The following GLIS3 variants were observed in gnomAD, a reference collection of about 807,000 sequenced individuals.
GLIS3 encodes zinc finger protein GLIS3.
Under a neutral mutation model 78.6 loss-of-function variants are expected in GLIS3, and 53 were observed. The ratio of observed to expected loss-of-function variants is 0.67; its 90% CI spans 0.54 to 0.85. The LOEUF (loss-of-function observed/expected upper bound fraction) is 0.85. Among genes scored for constraint, GLIS3 ranks in the 40% least tolerant of loss-of-function variants. The pLI is 0.00. For missense variants in GLIS3, 1,703 were observed against 1,231.1 expected, an observed-to-expected ratio of 1.38 and a Z score of -5.74; for synonymous variants, 684 against 509.9, an observed-to-expected ratio of 1.34 and a Z score of -4.60.
chr9:3,954,864 T>G (rs1452907145), intron 4 of GLIS3, among the ~76,000 whole-genome samples: 1 of 152,240 alleles, frequency 6.6e-6, no homozygotes, highest in Non-Finnish European at 1.5e-5. Context: ...TTACTTCATT[T>G]GGTTTGTTCA....
chr9:4,437,442 A>ATCTG, the GLIS3 span, among the ~76,000 whole-genome samples: 3 of 151,832 alleles, frequency 2.0e-5, no homozygotes, highest in African/African-American at 7.3e-5. Flanking sequence ...CTATCTATCT[A>ATCTG]TCTATCTATC....
At chr9:4,459,633 T>C in the GLIS3 span, among the ~76,000 whole-genome samples, 1 of 152,016 alleles carries the variant, frequency 6.6e-6, no homozygotes, top group African/African-American at 2.4e-5. Context: ...AGCATGGTGG[T>C]ACACGCCTGT....
upstream of GLIS3, among the ~76,000 whole-genome samples, chr9:4,303,687 C>T (rs1180378309): frequency 6.6e-6 from 1 of 152,110 alleles, no homozygotes; most frequent in Non-Finnish European, 1.5e-5. Flanking sequence ...TATTTCACTC[C>T]ATACAATATC....
chr9:4,482,899 G>C, the GLIS3 span, among the ~76,000 whole-genome samples: 6 of 152,118 alleles, frequency 3.9e-5, no homozygotes, highest in African/African-American at 1.4e-4. Context: ...AGGTTTATTT[G>C]GATGGTGGAA....
chr9:4,120,301 C>T (rs1022335545), intron 3 of GLIS3, among the ~76,000 whole-genome samples: 1 of 152,204 alleles, frequency 6.6e-6, no homozygotes, highest in African/African-American at 2.4e-5. Context: ...AAGGTGATAA[C>T]ACCATCATCA....
chr9:4,451,174 G>C, the GLIS3 span, among the ~76,000 whole-genome samples: 18 of 151,554 alleles, frequency 1.2e-4, no homozygotes, highest in East Asian at 3.5e-3. Context: ...CAAATGGAAA[G>C]CAAAAAAAAG....
intron 6 of GLIS3, among the ~76,000 whole-genome samples, chr9:3,924,703 T>C (rs938541882): frequency 6.6e-6 from 1 of 152,112 alleles, no homozygotes; most frequent in Non-Finnish European, 1.5e-5. Flanking sequence ...GGAGCAGTAA[T>C]TGCACAAAGG....
chr9:3,960,601 A>C (rs551317101), intron 4 of GLIS3, among the ~76,000 whole-genome samples: 3 of 152,304 alleles, frequency 2.0e-5, no homozygotes, highest in African/African-American at 7.2e-5. Context: ...AGTATGTTGA[A>C]TAAATTAATG....
rs552492555 is a variant in GLIS3, at chr9:3,978,496, T to C, written c.1711-41307A>G. Among the ~76,000 whole-genome samples the C allele has an allele frequency of 3.2e-4, 49 of 151,652 alleles. 2 individuals carry two copies. The highest frequency in any genetic ancestry group is 4.6e-4 in the Admixed American group (7 of 15,268). On this transcript the variant is annotated intron_variant, in intron 4 of 10. Transcript: ENST00000381971. ...ATTATTTTCCATATCAATAAATATA[T>C]ACCAATGTCATCATTTTAACAATTA... is the stretch of plus-strand genomic sequence containing the variant.
At chr9:4,389,353 C>A in the GLIS3 span, among the ~76,000 whole-genome samples, 1 of 152,240 alleles carries the variant, frequency 6.6e-6, no homozygotes, top group African/African-American at 2.4e-5. Flanking sequence ...ACTGGATTTC[C>A]CTCCTATACA....
chr9:3,964,085 G>C (rs1817755509), intron 4 of GLIS3, among the ~76,000 whole-genome samples: 3 of 152,182 alleles, frequency 2.0e-5, no homozygotes, highest in Admixed American at 6.5e-5. Flanking sequence ...CAGACACCGA[G>C]AGAGTGCTGG....
intron 4 of GLIS3, among the ~76,000 whole-genome samples, chr9:4,018,577 T>A (rs551425196): frequency 6.6e-6 from 1 of 152,080 alleles, no homozygotes; most frequent in African/African-American, 2.4e-5. Flanking sequence ...CTGGGGTTAG[T>A]GGGTTTCAAG....
rs572557279 is a variant in GLIS3 at position 3,828,221 on chromosome 9, G to A, written c.*51C>T. On this transcript the variant is annotated 3_prime_UTR_variant, in exon 11 of 11. Transcript: ENST00000381971. Reference sequence around the variant, plus strand: ...GTCTGTGAGAGTACGAAAACAAAAGGTGGCAAGCAACATCAAGGTCCTGGG... The same window carrying A: ...GTCTGTGAGAGTACGAAAACAAAAGATGGCAAGCAACATCAAGGTCCTGGG... The A allele has an allele frequency of 1.2e-6, 2 of 1,611,526 alleles. No homozygotes were observed. Among genetic ancestry groups the A allele is most frequent in the South Asian group, 1.1e-5 (1 of 90,980 alleles).
intron 2 of GLIS3, among the ~76,000 whole-genome samples, chr9:4,283,098 T>TAC (rs5896058): frequency 1.3e-3 from 189 of 149,126 alleles, no homozygotes; most frequent in African/African-American, 3.9e-3. Flanking sequence ...CACAAACACA[T>TAC]ACACACACAC....
chr9:3,960,298 C>T (rs1332922645), intron 4 of GLIS3, among the ~76,000 whole-genome samples: 2 of 152,202 alleles, frequency 1.3e-5, no homozygotes, highest in Non-Finnish European at 2.9e-5. Context: ...AGAAGGATCC[C>T]ACCCTGCTGA....
intron 6 of GLIS3, among the ~76,000 whole-genome samples, chr9:3,926,228 C>CTT (rs1263149969): frequency 4.0e-5 from 5 of 125,170 alleles, no homozygotes; most frequent in South Asian, 5.3e-4. Flanking sequence ...AATGCTTTTT[C>CTT]TTTTGTTTTT....
chr9:3,846,664 G>A (rs1008770125), intron 9 of GLIS3, among the ~76,000 whole-genome samples: 1 of 152,224 alleles, frequency 6.6e-6, no homozygotes, highest in African/African-American at 2.4e-5. Flanking sequence ...GGTATCTATG[G>A]GCACTGTGAA....
At chr9:3,866,205 CA>C (rs1214879482) in intron 8 of GLIS3, among the ~76,000 whole-genome samples, 17 of 152,348 alleles carry the variant, frequency 1.1e-4, no homozygotes, top group African/African-American at 3.6e-4. Flanking sequence ...AGGTAGCCAT[CA>C]ACCTGACATA....
chr9:4,083,763 G>A (rs2130712084), intron 4 of GLIS3, among the ~76,000 whole-genome samples: 1 of 152,288 alleles, frequency 6.6e-6, no homozygotes, highest in East Asian at 1.9e-4. Context: ...AAAGTGCAAG[G>A]AGAGCTATAA....
Sources: gnomAD v4.1 joint callset for allele counts (sites outside exome capture counted in the v4.1 genomes callset) on GRCh38, gnomAD v4.1.1 for gene constraint, MANE v1.5 for transcripts, NCBI Gene and HGNC (gene_info 2026-07-23, HGNC 2026-07-21) for gene names.